The following ATP10B variants were observed in gnomAD, a reference collection of about 807,000 sequenced individuals.
The protein encoded by ATP10B is phospholipid-transporting ATPase VB.
In ATP10B, 122 loss-of-function variants were observed where a neutral mutation model predicts 141.2. The ratio of observed to expected loss-of-function variants is 0.86; its 90% CI spans 0.75 to 1.00. The LOEUF (loss-of-function observed/expected upper bound fraction) is 1.00, where lower values mean the gene tolerates loss of function less well. Among genes scored for constraint, ATP10B ranks in the 50% least tolerant of loss-of-function variants. The probability of loss-of-function intolerance (pLI) is 0.00; values close to 1 mark genes in which losing one functional copy is unlikely to be tolerated. For synonymous variants in ATP10B, 685 were observed against 692.0 expected, an observed-to-expected ratio of 0.99 and a Z score of 0.16; for missense variants, 1,876 against 1,825.3, an observed-to-expected ratio of 1.03 and a Z score of -0.51.
intron 1 of ATP10B, among the ~76,000 whole-genome samples, chr5:160,786,463 G>A (rs530433718): frequency 1.4e-4 from 21 of 152,156 alleles, no homozygotes; most frequent in Non-Finnish European, 5.9e-5. Context: ...ATAGAAAACA[G>A]GGCAGTTATC....
intron 2 of ATP10B, among the ~76,000 whole-genome samples, chr5:160,746,396 CTT>C (rs11365545): frequency 1.7e-4 from 24 of 145,368 alleles, no homozygotes; most frequent in Middle Eastern, 3.6e-3. Flanking sequence ...TCTTTCTTTC[CTT>C]TTTTTTTTTT....
intron 22 of ATP10B, among the ~76,000 whole-genome samples, chr5:160,596,184 C>T (rs895703623): frequency 1.3e-5 from 2 of 152,224 alleles, no homozygotes; most frequent in African/African-American, 4.8e-5. Context: ...CATCAAAAAA[C>T]TTATCCACCA....
intron 3 of ATP10B, among the ~76,000 whole-genome samples, chr5:160,699,993 G>A (rs1764585928): frequency 6.6e-6 from 1 of 152,136 alleles, no homozygotes; most frequent in African/African-American, 2.4e-5. Context: ...TCATTTGACT[G>A]GGGGTCTAGA....
At chr5:160,566,717 G>C (rs541359342) in intron 25 of ATP10B, among the ~76,000 whole-genome samples, 1 of 152,332 alleles carries the variant, frequency 6.6e-6, no homozygotes, top group Non-Finnish European at 1.5e-5. Flanking sequence ...ACTATGCGGT[G>C]TATGGAGAAA....
intron 24 of ATP10B, among the ~76,000 whole-genome samples, chr5:160,578,352 T>C (rs1755325299): frequency 6.6e-6 from 1 of 151,986 alleles, no homozygotes; most frequent in African/African-American, 2.4e-5. Context: ...TAGCACCATC[T>C]GACAGGCCCA....
At chr5:160,880,666 C>T in the ATP10B span, among the ~76,000 whole-genome samples, 1 of 152,082 alleles carries the variant, frequency 6.6e-6, no homozygotes, top group African/African-American at 2.4e-5. Flanking sequence ...TGATCTTTGA[C>T]AAATGAGCAA....
intron 2 of ATP10B, among the ~76,000 whole-genome samples, chr5:160,749,676 G>A (rs1297047683): frequency 6.6e-6 from 1 of 152,200 alleles, no homozygotes; most frequent in Non-Finnish European, 1.5e-5. Context: ...AAGATCTCAT[G>A]TGACTGTATG....
chr5:160,814,582 C>T, intron 1 of ATP10B, among the ~76,000 whole-genome samples: 1 of 150,838 alleles, frequency 6.6e-6, no homozygotes. Context: ...TCCAGGAGAA[C>T]TTCCCCAATC....
chr5:160,672,894 G>A (rs368224085), intron 6 of ATP10B, among the ~76,000 whole-genome samples: 2 of 152,310 alleles, frequency 1.3e-5, no homozygotes, highest in Admixed American at 6.5e-5. Context: ...TCTCAGACAA[G>A]TCTTCCTAAG....
At chr5:160,720,030 A>G (rs1333394832) in intron 2 of ATP10B, among the ~76,000 whole-genome samples, 1 of 152,198 alleles carries the variant, frequency 6.6e-6, no homozygotes, top group Non-Finnish European at 1.5e-5. Context: ...TCCTTCAGTA[A>G]AGATTCTGAA....
At chr5:160,893,533 G>A in the ATP10B span, among the ~76,000 whole-genome samples, 2 of 152,152 alleles carry the variant, frequency 1.3e-5, no homozygotes, top group Non-Finnish European at 2.9e-5. Flanking sequence ...CTGAAAGAAA[G>A]GCAGCAGCCC....
Position 160,677,546 on chromosome 5 carries a change from G to T in ATP10B, c.471-6879C>A, listed in dbSNP as rs532457999. Among the ~76,000 whole-genome samples the T allele has an allele frequency of 3.3e-3, 501 of 152,300 alleles. 1 individual carries two copies. The highest frequency in any genetic ancestry group is 0.011 in the African/African-American group (476 of 41,566). On this transcript the variant is annotated intron_variant, in intron 6 of 25. Transcript: ENST00000327245. ...CTTGGAGTCGAGTTCTATGGTTAAAGATTTTTTTGTCTTCTTTCATGCAGT... is the reference window on the plus strand; with the variant it reads ...CTTGGAGTCGAGTTCTATGGTTAAATATTTTTTTGTCTTCTTTCATGCAGT...
chr5:160,873,794 G>A, the ATP10B span, among the ~76,000 whole-genome samples: 1 of 152,238 alleles, frequency 6.6e-6, no homozygotes, highest in East Asian at 1.9e-4. Context: ...GGAAAATTGG[G>A]TCACTCCCAC....
At chr5:160,640,329 A>G in intron 10 of ATP10B, 132 bp downstream of exon 10, 1 of 957,564 alleles carries the variant, frequency 1.0e-6, no homozygotes, top group East Asian at 2.5e-5. Flanking sequence ...TTTTCATTTC[A>G]TTGGCATCCC....
At chr5:160,741,610 A>G (rs1289601840) in intron 2 of ATP10B, among the ~76,000 whole-genome samples, 1 of 152,214 alleles carries the variant, frequency 6.6e-6, no homozygotes, top group Non-Finnish European at 1.5e-5. Context: ...ATCATTTATT[A>G]GGTAAATCTG....
intron 7 of ATP10B, among the ~76,000 whole-genome samples, chr5:160,652,787 A>T (rs1286907349): frequency 2.9e-5 from 3 of 104,258 alleles, no homozygotes; most frequent in South Asian, 2.6e-4. Context: ...AATATATATA[A>T]AAATATATAA....
intron 2 of ATP10B, among the ~76,000 whole-genome samples, chr5:160,740,061 C>T (rs1281762948): frequency 6.6e-6 from 1 of 152,122 alleles, no homozygotes; most frequent in African/African-American, 2.4e-5. Flanking sequence ...AAGCAAACAC[C>T]ATAGTCACCA....
At position 160,598,798 on chromosome 5, in the gene ATP10B, T is replaced by C. The variant is rs766241787; in HGVS notation, c.3536A>G (p.Glu1179Gly). ...AGAGTTCTGGCCACTCTTGTATAGCTCAGGCAATGCCAGGAGTGTTTCTGC... is the reference window on the plus strand; with the variant it reads ...AGAGTTCTGGCCACTCTTGTATAGCCCAGGCAATGCCAGGAGTGTTTCTGC... The part of the protein sequence containing the change: ...ISAETLLALP[E>G]LYKSGQNSEC... Residue 1179 changes from glutamate (E) to glycine (G), a missense_variant, in exon 22 of 26, where the codon GAG becomes GGG. Physicochemically the swap from Glu to Gly is moderately conservative, Grantham distance 98. Transcript: ENST00000327245. 1 of 1,614,076 alleles carries C rather than the reference T, an allele frequency of 6.2e-7. No individual in the cohort carries two copies. The highest frequency in any genetic ancestry group is 1.1e-5 in the South Asian group (1 of 91,078).
At chr5:160,906,735 C>T in the ATP10B span, among the ~76,000 whole-genome samples, 2 of 152,148 alleles carry the variant, frequency 1.3e-5, no homozygotes, top group Non-Finnish European at 2.9e-5. Flanking sequence ...TCTGTCGGTA[C>T]CCAGTACCGC....
Sources: gnomAD v4.1 joint callset for allele counts (sites outside exome capture counted in the v4.1 genomes callset) on GRCh38, gnomAD v4.1.1 for gene constraint, MANE v1.5 for transcripts, NCBI Gene and HGNC (gene_info 2026-07-23, HGNC 2026-07-21) for gene names.